The following DHX36 variants were observed in gnomAD, a reference collection of about 807,000 sequenced individuals.
DHX36 encodes DEAH-box helicase 36.
Under a neutral mutation model 139.0 loss-of-function variants are expected in DHX36, and 50 were observed. The observed-to-expected ratio is 0.36, with a 90% CI of 0.29 to 0.46. The LOEUF (loss-of-function observed/expected upper bound fraction) is 0.46, where lower values mean the gene tolerates loss of function less well. Ranked by LOEUF, DHX36 falls within the 20% of genes least tolerant of loss-of-function variation. The probability of loss-of-function intolerance (pLI) is 1.00; values close to 1 mark genes in which losing one functional copy is unlikely to be tolerated. For missense variants in DHX36, 1,024 were observed against 1,211.3 expected, an observed-to-expected ratio of 0.85 and a Z score of 2.29; for synonymous variants, 425 against 401.9, an observed-to-expected ratio of 1.06 and a Z score of -0.69.
In DHX36 at chr3:154,309,770, A is replaced by T. The variant is rs909654996; in HGVS notation, c.696T>A (p.Thr232=). Reference sequence around the variant, plus strand: ...TAACTTGAGTGGTTTTGCCACAACCAGTTTCACCACTTATTACTGTTACCT... The same window carrying T: ...TAACTTGAGTGGTTTTGCCACAACCTGTTTCACCACTTATTACTGTTACCT... ...NHQVTVISGE[T]GCGKTTQVTQ... The change falls in exon 5 of 25, where the codon ACT becomes ACA. Residue 232 remains threonine (T), a synonymous_variant. Coordinates refer to ENST00000496811, the MANE Select transcript of DHX36 (RefSeq NM_020865.3). 2.5e-6 allele frequency: 4 copies of T among 1,612,892 alleles called. No homozygotes were observed. In the Admixed American group the frequency reaches 6.7e-5, roughly 27 times the overall value.
chr3:154,277,324 C>T (rs1387818216), intron 23 of DHX36, among the ~76,000 whole-genome samples: 2 of 152,080 alleles, frequency 1.3e-5, no homozygotes, highest in Non-Finnish European at 2.9e-5. Flanking sequence ...AACTCCTGTA[C>T]ACCATAAAAT....
chr3:154,307,461 G>A (rs1054649819), intron 5 of DHX36, among the ~76,000 whole-genome samples: 4 of 151,964 alleles, frequency 2.6e-5, no homozygotes, highest in African/African-American at 9.7e-5. Flanking sequence ...CAAAAGACAA[G>A]AACAGACATT....
chr3:154,324,419 TCCTGGCAGA>T lies in DHX36; in HGVS notation c.-12_-4del. 6.6e-7 allele frequency: 1 copy of T among 1,507,344 alleles called. No individual in the cohort carries two copies. The highest frequency in any genetic ancestry group is 8.9e-7 in the Non-Finnish European group (1 of 1,127,934). The allele number at this position is 1,507,344 out of a possible 1,614,324, so 93.4% of individuals were successfully genotyped here. On this transcript the variant is annotated 5_prime_UTR_variant, in exon 1 of 25. Coordinates refer to ENST00000496811, the MANE Select transcript of DHX36 (RefSeq NM_020865.3). ...TTCTGATGGTAGTCATAACTCATTG[TCCTGGCAGA>T]CTACAACCCGTCAGAACCAGCAACC...
rs1040365410 is a variant in DHX36 at position 154,275,588 on chromosome 3, G to A, written c.*583C>T. ...TGAGGCACAGGGTGATATAAAAAGG[G>A]CACGTGTTTTAAAAATAGTAAAAAT... On this transcript the variant is annotated 3_prime_UTR_variant, in exon 25 of 25. Transcript: ENST00000496811. The A allele has an allele frequency of 6.6e-6, 1 of 152,602 alleles. No homozygotes were observed. The highest frequency in any genetic ancestry group is 1.5e-5 in the Non-Finnish European group (1 of 68,040). 9.5% of individuals were successfully genotyped at this position (152,602 alleles called of 1,614,324 possible). A position where few individuals can be genotyped will look rare whatever the true frequency, so the allele number is the denominator to read the frequency against.
chr3:154,322,801 G>A (rs935874104), intron 1 of DHX36, among the ~76,000 whole-genome samples: 1 of 152,152 alleles, frequency 6.6e-6, no homozygotes. Flanking sequence ...GGAGCAATAT[G>A]CATAAAACCT....
At chr3:154,283,510 T>C (rs1433110419) in intron 19 of DHX36, among the ~76,000 whole-genome samples, 1 of 152,118 alleles carries the variant, frequency 6.6e-6, no homozygotes, top group Non-Finnish European at 1.5e-5. Flanking sequence ...TATATAGTAA[T>C]ATATTAATTA....
rs371713336 is a variant in DHX36, at chr3:154,300,689, C to T, written c.1366G>A (p.Ala456Thr). ...YVRELRRRYS[A>T]STVDVIEMME... Reference sequence around the variant, plus strand: ...ATTTCTATAACATCTACAGTACTTGCAGAATACCTATCAAAGTTAAACACA... The same window carrying T: ...ATTTCTATAACATCTACAGTACTTGTAGAATACCTATCAAAGTTAAACACA... Residue 456 changes from alanine to threonine, a missense_variant, in exon 11 of 25, where the codon GCA becomes ACA. Coordinates refer to ENST00000496811, the MANE Select transcript of DHX36 (RefSeq NM_020865.3). 6.2e-6 allele frequency: 10 copies of T among 1,606,990 alleles called. No homozygotes were observed. The highest frequency in any genetic ancestry group is 1.3e-5 in the African/African-American group (1 of 74,742).
At chr3:154,291,628 T>C (rs1261064414) in intron 15 of DHX36, among the ~76,000 whole-genome samples, 1 of 152,204 alleles carries the variant, frequency 6.6e-6, no homozygotes, top group Non-Finnish European at 1.5e-5. Context: ...TGTGCAAAGA[T>C]TACAGCAAGT....
chr3:154,278,089 TTAAG>T (rs1295045244), intron 22 of DHX36, among the ~76,000 whole-genome samples: 2 of 152,230 alleles, frequency 1.3e-5, no homozygotes, highest in East Asian at 1.9e-4. Flanking sequence ...CCTAAAATAA[TTAAG>T]TGATTCATAC....
chr3:154,293,834 A>T, intron 13 of DHX36, 22 bp from the exon 14 acceptor site: 1 of 1,568,360 alleles, frequency 6.4e-7, no homozygotes, highest in Non-Finnish European at 8.8e-7. Flanking sequence ...AATACATCAG[A>T]ATCACAAAAG....
intron 1 of DHX36, among the ~76,000 whole-genome samples, chr3:154,322,761 T>C (rs71308485): frequency 0.14 from 21,015 of 152,240 alleles, 1,823 homozygotes; most frequent in East Asian, 0.39. Context: ...GACTGTAAGC[T>C]CTTTGAATAC....
intron 12 of DHX36, among the ~76,000 whole-genome samples, chr3:154,297,079 T>C (rs370935889): frequency 6.6e-6 from 1 of 152,216 alleles, no homozygotes; most frequent in Non-Finnish European, 1.5e-5. Flanking sequence ...ACAAATGGCC[T>C]GGTCTTTTCC....
chr3:154,310,248 G>T (rs955106394), intron 4 of DHX36, among the ~76,000 whole-genome samples: 2 of 152,092 alleles, frequency 1.3e-5, no homozygotes, highest in African/African-American at 4.8e-5. Flanking sequence ...GAGCAAGGAA[G>T]AGAATATTGT....
chr3:154,283,385 T>C (rs1158387289), intron 19 of DHX36, 114 bp from the exon 20 acceptor site: 8 of 710,610 alleles, frequency 1.1e-5, no homozygotes, highest in African/African-American at 1.8e-5. Context: ...TAATTTTCTT[T>C]GTAAAAAATT....
Position 154,277,696 on chromosome 3 carries a change from C to G in DHX36, c.2590G>C (p.Asp864His), listed in dbSNP as rs751870066. The G allele has an allele frequency of 2.5e-6, 4 of 1,608,276 alleles. No individual in the cohort carries two copies. Among genetic ancestry groups the G allele is most frequent in the Non-Finnish European group, 3.4e-6 (4 of 1,176,500 alleles). Residue 864 changes from aspartate to histidine, a missense_variant, in exon 23 of 25, where the codon GAT becomes CAT. Around this residue, in one of 4 missense-constraint regions of DHX36, gnomAD observed 470 missense variants for 616.2 expected, o/e 0.76. Coordinates refer to ENST00000496811, the MANE Select transcript of DHX36 (RefSeq NM_020865.3). ...TTAGGATGAACAGCAACCAGGCCAT[C>G]GGTTTTTGTGTAAACTTTTACCCTT... ...RKMVKVYTKTDGLVAVHPKSV... is the reference protein window; with the variant it reads ...RKMVKVYTKTHGLVAVHPKSV...
At chr3:154,278,049 T>C (rs1366310885) in intron 22 of DHX36, among the ~76,000 whole-genome samples, 2 of 152,164 alleles carry the variant, frequency 1.3e-5, no homozygotes. Flanking sequence ...ATGCACACTA[T>C]ACCACTGAAG....
At chr3:154,310,557 C>T (rs910863058) in intron 4 of DHX36, among the ~76,000 whole-genome samples, 3 of 150,510 alleles carry the variant, frequency 2.0e-5, no homozygotes, top group Non-Finnish European at 4.4e-5. Context: ...CTGAGGTAGG[C>T]GGATCATGAG....
intron 19 of DHX36, among the ~76,000 whole-genome samples, chr3:154,283,951 A>G (rs1478966590): frequency 6.6e-6 from 1 of 152,206 alleles, no homozygotes; most frequent in Admixed American, 6.5e-5. Context: ...GAATAGAAAG[A>G]GACTGTCATT....
rs1719135762 is a variant in DHX36, at chr3:154,275,996, A to G, written c.*175T>C. 2 of 425,182 alleles carry G rather than the reference A, an allele frequency of 4.7e-6. No individual in the cohort carries two copies. The highest frequency in any genetic ancestry group is 8.2e-6 in the Non-Finnish European group (2 of 244,180). 26.3% of individuals were successfully genotyped at this position (425,182 alleles called of 1,614,324 possible). A position where few individuals can be genotyped will look rare whatever the true frequency, so the allele number is the denominator to read the frequency against. On this transcript the variant is annotated 3_prime_UTR_variant, in exon 25 of 25. Transcript: ENST00000496811. The stretch of plus-strand genomic sequence containing the variant: ...TTTTATGGTATATATATATATATAT[A>G]TATATCTCTACATATAACATCAAGT...
Sources: allele counts gnomAD v4.1 joint callset (sites outside exome capture counted in the v4.1 genomes callset), GRCh38; gene constraint gnomAD v4.1.1; regional missense constraint gnomAD v4.1.1; transcripts MANE v1.5; gene names NCBI Gene and HGNC (gene_info 2026-07-23, HGNC 2026-07-21).